GBE1: variants seen among roughly 807,000 people sequenced by gnomAD.
GBE1 encodes the protein 1,4-alpha-glucan branching enzyme 1, also known as 1,4-alpha-glucan-branching enzyme.
A neutral mutation model predicts 88.8 loss-of-function variants in GBE1; 70 were observed. The observed-to-expected ratio is 0.79, with a 90% confidence interval of 0.65 to 0.96. The LOEUF (loss-of-function observed/expected upper bound fraction) is 0.96. GBE1 is among the 40% of genes least tolerant of loss of function. The pLI is 0.00. For synonymous variants in GBE1, 284 were observed against 300.1 expected (o/e 0.95, Z 0.56); for missense variants, 872 against 871.0 (o/e 1.00, Z -0.01).
chr3:81,667,365 T>C (rs956870773), intron 3 of GBE1, among the ~76,000 whole-genome samples: 3 of 152,196 alleles, frequency 2.0e-5, no homozygotes, highest in African/African-American at 7.2e-5. Context: ...TGGGGTTTTG[T>C]AAATATAGAA....
chr3:81,610,725 C>G (rs1704167732), intron 7 of GBE1, among the ~76,000 whole-genome samples: 1 of 152,118 alleles, frequency 6.6e-6, no homozygotes, highest in Admixed American at 6.6e-5. Context: ...GAACTGCACC[C>G]CTTTCCTCTT....
At chr3:81,500,781 C>T (rs541142213) in intron 14 of GBE1, among the ~76,000 whole-genome samples, 70 of 152,252 alleles carry the variant, frequency 4.6e-4, no homozygotes, top group Admixed American at 2.2e-3. Context: ...TTGTTATACA[C>T]GTTTGACACT....
intron 7 of GBE1, among the ~76,000 whole-genome samples, chr3:81,630,541 C>T (rs28435942): frequency 0.4 from 60,414 of 151,986 alleles, 12,654 homozygotes; most frequent in African/African-American, 0.53. Context: ...AAACTGGCAC[C>T]CAGTTCCATT....
At chr3:81,516,412 G>GA (rs1204313089) in intron 14 of GBE1, among the ~76,000 whole-genome samples, 7 of 151,440 alleles carry the variant, frequency 4.6e-5, no homozygotes, top group African/African-American at 1.7e-4. Flanking sequence ...CTATTTCTCA[G>GA]AAAAAAGATT....
intron 1 of GBE1, among the ~76,000 whole-genome samples, chr3:81,712,528 C>G (rs1705883411): frequency 6.6e-6 from 1 of 151,948 alleles, no homozygotes; most frequent in Non-Finnish European, 1.5e-5. Context: ...AACCATCATT[C>G]TCAGCAAACT....
chr3:81,536,872 T>C (rs773007114), intron 13 of GBE1, 39 bp downstream of exon 13: 7 of 1,493,718 alleles, frequency 4.7e-6, no homozygotes, highest in Non-Finnish European at 6.3e-6. Flanking sequence ...ATGTACCTCA[T>C]TGGTGACTAA....
chr3:81,593,530 C>G (rs1703909658), intron 8 of GBE1, among the ~76,000 whole-genome samples: 1 of 151,612 alleles, frequency 6.6e-6, no homozygotes, highest in Non-Finnish European at 1.5e-5. Context: ...CCAGGTAAAT[C>G]TGCAATTAAA....
At chr3:81,695,615 G>C (rs1318560307) in intron 2 of GBE1, among the ~76,000 whole-genome samples, 1 of 152,146 alleles carries the variant, frequency 6.6e-6, no homozygotes, top group East Asian at 1.9e-4. Flanking sequence ...CCACTGAAGT[G>C]TGTACTTTAA....
At chr3:81,608,154 T>G (rs1704128142) in intron 7 of GBE1, among the ~76,000 whole-genome samples, 1 of 152,194 alleles carries the variant, frequency 6.6e-6, no homozygotes, top group Admixed American at 6.5e-5. Flanking sequence ...TATCAAGGGT[T>G]TTCTGGGTCA....
Position 81,761,514 on chromosome 3 carries a change from C to G in GBE1, c.4G>C (p.Ala2Pro), listed in dbSNP as rs1706690284. The change falls in exon 1 of 16, where the codon GCG (alanine) becomes CCG (proline). Residue 2 changes from alanine (A) to proline (P), a missense_variant. Transcript: ENST00000429644. MAAPMTPAARPE... is the reference protein window; with the variant it reads MPAPMTPAARPE... ...CGAGCCGCGGGAGTCATCGGAGCCG[C>G]CATATTCCGCCGCAGTCCAAGTAGC... The G allele has an allele frequency of 3.7e-6, 6 of 1,607,750 alleles. No individual in the cohort carries two copies. The highest frequency in any genetic ancestry group is 1.3e-5 in the African/African-American group (1 of 74,304).
In GBE1 at chr3:81,722,894, G is replaced by GTATATATA. The variant is rs757742488; in HGVS notation, c.144-17282_144-17281insTATATATA. Among the ~76,000 whole-genome samples, 969 of 134,968 alleles carry GTATATATA rather than the reference G, an allele frequency of 7.2e-3. 18 individuals are homozygous for GTATATATA. In the East Asian group the frequency reaches 0.095, roughly 13 times the overall value. 88.5% of individuals were successfully genotyped at this position (134,968 alleles called of 152,430 possible). A position where few individuals can be genotyped will look rare whatever the true frequency, so the allele number is the denominator to read the frequency against. On this transcript the variant is annotated intron_variant, in intron 1 of 15. Coordinates refer to ENST00000429644, the MANE Select transcript of GBE1 (RefSeq NM_000158.4). Reference sequence around the variant, plus strand: ...GGCACACACACGTGTGTGTGTGTGTGTGTATATATATATATATATATACAC... The same window carrying GTATATATA: ...GGCACACACACGTGTGTGTGTGTGTGTATATATATGTATATATATATATATATATACAC...
chr3:81,573,294 A>T (rs1242753915), intron 12 of GBE1, among the ~76,000 whole-genome samples: 4 of 152,106 alleles, frequency 2.6e-5, no homozygotes, highest in African/African-American at 9.7e-5. Flanking sequence ...TGTAATCTCA[A>T]ATTATCAGTC....
chr3:81,545,226 T>TAA (rs138991873), intron 12 of GBE1, among the ~76,000 whole-genome samples: 4 of 150,100 alleles, frequency 2.7e-5, no homozygotes, highest in African/African-American at 7.3e-5. Flanking sequence ...GATTTTTCTT[T>TAA]AAAAAAAAAA....
intron 12 of GBE1, among the ~76,000 whole-genome samples, chr3:81,537,360 A>G (rs1703091864): frequency 6.6e-6 from 1 of 151,994 alleles, no homozygotes; most frequent in South Asian, 2.1e-4. Flanking sequence ...TTCCTCAAGC[A>G]CAAACTGAAG....
intron 15 of GBE1, among the ~76,000 whole-genome samples, chr3:81,496,711 G>A (rs1270237443): frequency 1.3e-5 from 2 of 152,166 alleles, no homozygotes; most frequent in African/African-American, 2.4e-5. Context: ...ATTTGTTAAT[G>A]TGATTTTTCT....
At chr3:81,687,767 G>C (rs555321369) in intron 2 of GBE1, among the ~76,000 whole-genome samples, 21 of 152,250 alleles carry the variant, frequency 1.4e-4, no homozygotes, top group African/African-American at 4.6e-4. Context: ...GAAGCTCAAG[G>C]TTCAAAAGAG....
chr3:81,553,614 GTA>G (rs986771845), intron 12 of GBE1, among the ~76,000 whole-genome samples: 26 of 141,794 alleles, frequency 1.8e-4, no homozygotes, highest in African/African-American at 6.8e-4. Flanking sequence ...CCCAGTTGAA[GTA>G]TAGAGACAGA....
At chr3:81,695,591 A>G (rs1023391779) in intron 2 of GBE1, among the ~76,000 whole-genome samples, 30 of 152,240 alleles carry the variant, frequency 2.0e-4, no homozygotes, top group African/African-American at 7.0e-4. Flanking sequence ...CACAACATAA[A>G]AATATAGTAA....
chr3:81,553,163 C>T (rs1409529119), intron 12 of GBE1, among the ~76,000 whole-genome samples: 11 of 152,136 alleles, frequency 7.2e-5, no homozygotes, highest in African/African-American at 1.2e-4. Context: ...ATCAAATGTA[C>T]GAATGAAGTG....
Sources: allele counts gnomAD v4.1 joint callset (sites outside exome capture counted in the v4.1 genomes callset), GRCh38; gene constraint gnomAD v4.1.1; transcripts MANE v1.5; gene names NCBI Gene and HGNC (gene_info 2026-07-23, HGNC 2026-07-21).